CEP290: variants seen among roughly 807,000 people sequenced by gnomAD.
CEP290 encodes centrosomal protein of 290 kDa.
In CEP290, 317 loss-of-function variants were observed where a neutral mutation model predicts 344.9. That is an observed-to-expected ratio of 0.92 (90% CI 0.84 to 1.01). CEP290 has a LOEUF of 1.01. Among genes scored for constraint, CEP290 ranks in the 50% least tolerant of loss-of-function variants. The probability of loss-of-function intolerance (pLI) is 0.00; values close to 1 mark genes in which losing one functional copy is unlikely to be tolerated. For missense variants in CEP290, 2,754 were observed against 2,761.4 expected, an observed-to-expected ratio of 1.00 and a Z score of 0.06; for synonymous variants, 932 against 895.8, an observed-to-expected ratio of 1.04 and a Z score of -0.72.
rs769128525 is a variant in CEP290 at position 88,111,673 on chromosome 12, T to C, written c.2217+21A>G. ...TACATTCTTATGTTTAGCATTTTCT[T>C]TTATTTAATAAAATTCTCACCTTTA... On this transcript the variant is annotated intron_variant, in intron 21 of 53. Coordinates refer to ENST00000552810, the MANE Select transcript of CEP290 (RefSeq NM_025114.4). 8.4e-6 allele frequency: 13 copies of C among 1,540,326 alleles called. No individual in the cohort carries two copies. The South Asian group carries it at 1.6e-4, about 19-fold the overall frequency.
At chr12:88,106,936 G>A in intron 24 of CEP290, 31 bp from the exon 25 acceptor site, 2 of 1,566,998 alleles carry the variant, frequency 1.3e-6, no homozygotes, top group East Asian at 2.3e-5. Context: ...ATTACTTGTT[G>A]AATCTAGCTA....
chr12:88,121,290 T>G (rs1592643740), intron 13 of CEP290, 124 bp from the exon 14 acceptor site: 2 of 675,100 alleles, frequency 3.0e-6, no homozygotes, highest in East Asian at 5.7e-5. Context: ...GTTGTCATTT[T>G]ATATTTGTAA....
At chr12:88,118,195 T>G (rs2039174084) in intron 17 of CEP290, among the ~76,000 whole-genome samples, 2 of 152,082 alleles carry the variant, frequency 1.3e-5, no homozygotes, top group African/African-American at 2.4e-5. Flanking sequence ...GTCTAGAAAT[T>G]AAAATACTAT....
rs1277969214 is a variant in CEP290 at position 88,068,589 on chromosome 12, C to A, written c.6068G>T (p.Arg2023Ile). ...AGCATGAAGTTTTTCTTGGAGGTAT[C>A]TATTTTGTAAATGTAAATCTTCTAC... ...SVVEDLHLQN[R>I]YLQEKLHALE... is the part of the protein sequence containing the mutation. Residue 2023 changes from arginine to isoleucine, a missense_variant, in exon 44 of 54, where the codon AGA becomes ATA. Arg to Ile is a moderately conservative substitution (Grantham distance 97). Coordinates refer to ENST00000552810, the MANE Select transcript of CEP290 (RefSeq NM_025114.4). The A allele has an allele frequency of 6.3e-7, 1 of 1,590,098 alleles. No homozygotes were observed. The highest frequency in any genetic ancestry group is 1.8e-5 in the Admixed American group (1 of 55,610).
chr12:88,072,819 T>C (rs536536794), intron 41 of CEP290, among the ~76,000 whole-genome samples: 1 of 152,258 alleles, frequency 6.6e-6, no homozygotes, highest in African/African-American at 2.4e-5. Flanking sequence ...TCTTACTATC[T>C]AGTTTATACT....
chr12:88,120,641 T>C (rs2039343745), intron 14 of CEP290, among the ~76,000 whole-genome samples: 3 of 152,100 alleles, frequency 2.0e-5, no homozygotes. Context: ...GTATAAAAAG[T>C]GGAGAGCAGG....
intron 5 of CEP290, among the ~76,000 whole-genome samples, chr12:88,138,607 A>G (rs2040467930): frequency 6.6e-6 from 1 of 152,032 alleles, no homozygotes; most frequent in African/African-American, 2.4e-5. Context: ...CAACCCCTCA[A>G]CTTCCAAGCA....
At chr12:88,060,403 C>G (rs559915103) in intron 47 of CEP290, among the ~76,000 whole-genome samples, 2 of 152,026 alleles carry the variant, frequency 1.3e-5, no homozygotes, top group Non-Finnish European at 2.9e-5. Flanking sequence ...ACTAAAAATA[C>G]GAAAAGTTAG....
rs1265771637 is a variant in CEP290, at chr12:88,050,428, C to G, written c.7135G>C (p.Asp2379His). The change falls in exon 53 of 54, where the codon GAT becomes CAT. Residue 2379 changes from aspartate (D) to histidine (H), a missense_variant. Transcript: ENST00000552810. The stretch of plus-strand genomic sequence containing the variant: ...TCTTTTATTTTTTCCTTTAGTTGAT[C>G]AGCATCTGTTGAAAAAGTCATACAA... The part of the protein sequence containing the change: ...SGAESTIPDA[D>H]QLKEKIKDLE... The G allele has an allele frequency of 1.1e-5, 16 of 1,523,182 alleles. No individual in the cohort carries two copies. Among genetic ancestry groups the G allele is most frequent in the Non-Finnish European group, 1.4e-5 (16 of 1,110,396 alleles). 94.4% of individuals were successfully genotyped at this position (1,523,182 alleles called of 1,614,324 possible). A position where few individuals can be genotyped will look rare whatever the true frequency, so the allele number is the denominator to read the frequency against.
In CEP290 at chr12:88,089,052, C is replaced by T; in HGVS notation, c.4009G>A (p.Asp1337Asn). ...TTTACCTTTTGGGCTCCTTTGGTAT[C>T]CTTTAAAGTGCTTATTAACTCTTCC... Reference protein sequence around the residue: ...GLEELISTLKDTKGAQKVINW... With the variant: ...GLEELISTLKNTKGAQKVINW... The change falls in exon 31 of 54, where the codon GAT (aspartate) becomes AAT (asparagine). Residue 1337 changes from aspartate (D) to asparagine (N), a missense_variant. Coordinates refer to ENST00000552810, the MANE Select transcript of CEP290 (RefSeq NM_025114.4). 6.6e-7 allele frequency: 1 copy of T among 1,518,126 alleles called. No individual in the cohort carries two copies. Among genetic ancestry groups the T allele is most frequent in the South Asian group, 1.4e-5 (1 of 72,526 alleles). 94.0% of individuals were successfully genotyped at this position (1,518,126 alleles called of 1,614,324 possible). A position where few individuals can be genotyped will look rare whatever the true frequency, so the allele number is the denominator to read the frequency against.
chr12:88,061,352 A>T (rs2034464825), intron 46 of CEP290, among the ~76,000 whole-genome samples: 1 of 152,174 alleles, frequency 6.6e-6, no homozygotes, highest in Admixed American at 6.5e-5. Flanking sequence ...ACCACACAAG[A>T]GAAATTGTGT....
chr12:88,084,594 C>T lies in CEP290; in HGVS notation c.4696G>A (p.Ala1566Thr), dbSNP rs2036435427. Residue 1566 changes from alanine to threonine, a missense_variant, in exon 35 of 54, where the codon GCC (alanine) becomes ACC (threonine). By Grantham distance (58) the Ala-to-Thr change is moderately conservative (BLOSUM62 0). Transcript: ENST00000552810. ...LKKYQRLLEK[A>T]REEQREIVKK... ...ATAATATAATAAAATACCTCTCTGGCTTTTTCTAGAAGACGTTGATACTTC... is the reference window on the plus strand; with the variant it reads ...ATAATATAATAAAATACCTCTCTGGTTTTTTCTAGAAGACGTTGATACTTC... 3.1e-6 allele frequency: 5 copies of T among 1,609,484 alleles called. No homozygotes were observed. Among genetic ancestry groups the T allele is most frequent in the Non-Finnish European group, 4.2e-6 (5 of 1,176,510 alleles).
intron 36 of CEP290, 140 bp from the exon 37 acceptor site, chr12:88,083,370 AAAG>A (rs1447723641): frequency 5.7e-6 from 3 of 522,198 alleles, no homozygotes; most frequent in Non-Finnish European, 6.3e-6. Context: ...ATGAAGGCTT[AAAG>A]AAGACAGGAA....
At chr12:88,104,268 C>T (rs1393034388) in intron 25 of CEP290, 1 of 152,032 alleles carries the variant, frequency 6.6e-6, no homozygotes, top group African/African-American at 2.4e-5. Flanking sequence ...AACCCAAGCC[C>T]ATTTTAATTT....
Position 88,055,611 on chromosome 12 carries a change from TTTG to T in CEP290, c.6922_6924del (p.Gln2308del). ...AGGTCTTCATTGTATTTGTTAACTT[TTTG>T]TTCTCTCTCTGTTGCTTCTTTTACA... On this transcript the variant is annotated inframe_deletion, in exon 50 of 54. Coordinates refer to ENST00000552810, the MANE Select transcript of CEP290 (RefSeq NM_025114.4). 1 of 1,580,056 alleles carries T rather than the reference TTTG, an allele frequency of 6.3e-7. No homozygotes were observed. The highest frequency in any genetic ancestry group is 8.6e-7 in the Non-Finnish European group (1 of 1,162,866).
chr12:88,110,211 T>C (rs1241009684), intron 22 of CEP290, among the ~76,000 whole-genome samples: 1 of 152,144 alleles, frequency 6.6e-6, no homozygotes, highest in Non-Finnish European at 1.5e-5. Context: ...ATATTTATAA[T>C]GTATGTGATG....
intron 26 of CEP290, 118 bp downstream of exon 26, chr12:88,102,720 T>C: frequency 1.4e-6 from 1 of 723,388 alleles, no homozygotes; most frequent in Non-Finnish European, 2.2e-6. Context: ...ATTATATCTC[T>C]GTTAAATTTA....
chr12:88,128,208 T>C (rs910426795), intron 11 of CEP290, among the ~76,000 whole-genome samples: 1 of 152,278 alleles, frequency 6.6e-6, no homozygotes, highest in East Asian at 1.9e-4. Context: ...ATAAAGTTTA[T>C]GGAGACATGA....
intron 11 of CEP290, among the ~76,000 whole-genome samples, chr12:88,126,677 C>A (rs1048094996): frequency 1.3e-5 from 2 of 151,966 alleles, no homozygotes; most frequent in African/African-American, 4.8e-5. Context: ...ATAATTCAAT[C>A]TTTAAAAATA....
Sources: gnomAD v4.1 joint callset for allele counts (sites outside exome capture counted in the v4.1 genomes callset) on GRCh38, gnomAD v4.1.1 for gene constraint, MANE v1.5 for transcripts, NCBI Gene and HGNC (gene_info 2026-07-23, HGNC 2026-07-21) for gene names.